Variants in PCNX1 observed in about 807,000 individuals in gnomAD.
PCNX1 encodes pecanex 1.
In PCNX1, 78 loss-of-function variants were observed where a neutral mutation model predicts 242.2. The observed-to-expected ratio is 0.32, with a 90% confidence interval of 0.27 to 0.39. PCNX1 has a LOEUF of 0.39. Ranked by LOEUF, PCNX1 falls within the 10% of genes least tolerant of loss-of-function variation. The pLI is 1.00. For missense variants in PCNX1, 2,581 were observed against 2,856.5 expected, an observed-to-expected ratio of 0.90 and a Z score of 2.20; for synonymous variants, 1,024 against 1,032.9, an observed-to-expected ratio of 0.99 and a Z score of 0.17.
At chr14:71,100,704 C>T (rs1348591162) in intron 30 of PCNX1, among the ~76,000 whole-genome samples, 1 of 152,150 alleles carries the variant, frequency 6.6e-6, no homozygotes, top group Non-Finnish European at 1.5e-5. Context: ...TTTACTTTTC[C>T]ACCTCCTCTC....
chr14:70,978,044 T>C lies in PCNX1; in HGVS notation c.1707T>C (p.Ala569=). ...SGRRRTGKKR[A]SSFDSSRHRD... Reference sequence around the variant, plus strand: ...GGAGACGCACAGGAAAAAAACGGGCTAGCAGTTTTGATTCAAGCCGGCATA... The same window carrying C: ...GGAGACGCACAGGAAAAAAACGGGCCAGCAGTTTTGATTCAAGCCGGCATA... Residue 569 remains alanine, a synonymous_variant, in exon 6 of 36, where the codon GCT becomes GCC. Transcript: ENST00000304743. The C allele has an allele frequency of 1.2e-6, 2 of 1,614,144 alleles. No homozygotes were observed. The highest frequency in any genetic ancestry group is 1.7e-6 in the Non-Finnish European group (2 of 1,180,030).
At chr14:71,086,015 T>C (rs752037117) in intron 28 of PCNX1, among the ~76,000 whole-genome samples, 3 of 152,240 alleles carry the variant, frequency 2.0e-5, no homozygotes, top group African/African-American at 4.8e-5. Context: ...TTCAGTCTTT[T>C]TTCTCTCTGT....
chr14:71,109,756 T>C (rs777693973), intron 35 of PCNX1, 39 bp from the exon 36 acceptor site: 1 of 1,608,374 alleles, frequency 6.2e-7, no homozygotes, highest in East Asian at 2.2e-5. Context: ...ATATTCCAGG[T>C]CTCCAGTGCT....
At chr14:70,922,758 C>CTTT (rs200836942) in intron 1 of PCNX1, among the ~76,000 whole-genome samples, 1 of 132,330 alleles carries the variant, frequency 7.6e-6, no homozygotes. Context: ...AGGTCATTAC[C>CTTT]TTTTTTTTTT....
intron 1 of PCNX1, among the ~76,000 whole-genome samples, chr14:70,926,014 G>C (rs751415920): frequency 6.6e-6 from 1 of 152,010 alleles, no homozygotes; most frequent in Non-Finnish European, 1.5e-5. Flanking sequence ...AGTGTATTCC[G>C]GGATCCAAAA....
rs761068464 is a variant in PCNX1, at chr14:70,978,068, T to C, written c.1731T>C (p.His577=). 1.2e-6 allele frequency: 2 copies of C among 1,614,120 alleles called. No homozygotes were observed. The highest frequency in any genetic ancestry group is 1.1e-5 in the South Asian group (1 of 91,074). Residue 577 remains histidine, a synonymous_variant, in exon 6 of 36, where the codon CAT becomes CAC. Transcript: ENST00000304743. ...KRASSFDSSR[H]RDYVCFRGVS... Reference sequence around the variant, plus strand: ...CTAGCAGTTTTGATTCAAGCCGGCATAGGGACTATGTTTGCTTTCGAGGTG... The same window carrying C: ...CTAGCAGTTTTGATTCAAGCCGGCACAGGGACTATGTTTGCTTTCGAGGTG...
intron 30 of PCNX1, among the ~76,000 whole-genome samples, chr14:71,096,204 G>T (rs548776037): frequency 6.6e-6 from 1 of 152,100 alleles, no homozygotes; most frequent in African/African-American, 2.4e-5. Context: ...TGTAATCCCA[G>T]CTACTTGGGA....
At chr14:71,058,532 T>G (rs919573304) in intron 26 of PCNX1, among the ~76,000 whole-genome samples, 6 of 151,914 alleles carry the variant, frequency 3.9e-5, no homozygotes, top group Non-Finnish European at 8.8e-5. Context: ...TTTCAGAGAG[T>G]TTTTCATCTA....
chr14:71,036,669 C>G (rs1283684433), intron 19 of PCNX1, among the ~76,000 whole-genome samples: 1 of 152,158 alleles, frequency 6.6e-6, no homozygotes, highest in Non-Finnish European at 1.5e-5. Context: ...ATGACATTGC[C>G]TAAACACACA....
intron 13 of PCNX1, among the ~76,000 whole-genome samples, chr14:71,024,492 T>A (rs1566714400): frequency 6.6e-6 from 1 of 152,126 alleles, no homozygotes; most frequent in Non-Finnish European, 1.5e-5. Flanking sequence ...TTGTCTGATG[T>A]TTTTTCTTTA....
chr14:71,102,129 T>C lies in PCNX1; in HGVS notation c.5729T>C (p.Leu1910Ser). 6.2e-7 allele frequency: 1 copy of C among 1,614,072 alleles called. No individual in the cohort carries two copies. The highest frequency in any genetic ancestry group is 8.5e-7 in the Non-Finnish European group (1 of 1,179,980). Reference protein sequence around the residue: ...RSAVLANSPSLLALRHVMDDG... With the variant: ...RSAVLANSPSSLALRHVMDDG... ...GCAGTACTTGCCAACTCTCCCTCCTTGCTTGCTCTGCGGCATGTCATGGAT... is the reference window on the plus strand; with the variant it reads ...GCAGTACTTGCCAACTCTCCCTCCTCGCTTGCTCTGCGGCATGTCATGGAT... The change falls in exon 31 of 36, where the codon TTG (leucine) becomes TCG (serine). Residue 1910 changes from leucine (L) to serine (S), a missense_variant. Leu to Ser is a moderately radical substitution (Grantham distance 145). This residue lies in a region of PCNX1 where 298 missense variants were observed against 480.1 expected (regional missense o/e 0.62). Coordinates refer to ENST00000304743, the MANE Select transcript of PCNX1 (RefSeq NM_014982.3).
At position 71,110,160 on chromosome 14, in the gene PCNX1, C is replaced by T. The variant is rs1464809836; in HGVS notation, c.*225C>T. ...TGAAATATTTTTTTAAGTTAGCTGC[C>T]GAGAAAACATTTTGCATGAAGGATA... On this transcript the variant is annotated 3_prime_UTR_variant, in exon 36 of 36. Coordinates refer to ENST00000304743, the MANE Select transcript of PCNX1 (RefSeq NM_014982.3). The T allele has an allele frequency of 4.6e-5, 27 of 584,418 alleles. No individual in the cohort carries two copies. In the Admixed American group the frequency reaches 4.7e-4, roughly 10 times the overall value. The allele number at this position is 584,418 out of a possible 1,614,324, so 36.2% of individuals were successfully genotyped here.
At chr14:71,022,128 C>T (rs888108332) in intron 12 of PCNX1, among the ~76,000 whole-genome samples, 1 of 152,172 alleles carries the variant, frequency 6.6e-6, no homozygotes, top group Admixed American at 6.5e-5. Flanking sequence ...ATCTTTGAGT[C>T]ACTGCTCCTT....
chr14:71,059,712 A>G (rs1595399565), intron 26 of PCNX1, among the ~76,000 whole-genome samples: 1 of 152,062 alleles, frequency 6.6e-6, no homozygotes, highest in Non-Finnish European at 1.5e-5. Context: ...TTAAAGACAC[A>G]TTTGATCATG....
At position 70,989,590 on chromosome 14, in the gene PCNX1, C is replaced by T. The variant is rs150528422; in HGVS notation, c.2444+891C>T. 9.3e-3 allele frequency among the ~76,000 whole-genome samples: 1,355 copies of T among 145,158 alleles called. 10 individuals are homozygous for T. Among genetic ancestry groups the T allele is most frequent in the Non-Finnish European group, 0.013 (853 of 67,272 alleles). ...TGTTGCCCAGGCAGGAGTGCAGTCG[C>T]GTGATCTTGGCTCACTGCAACCTCC... On this transcript the variant is annotated intron_variant, in intron 7 of 35. Coordinates refer to ENST00000304743, the MANE Select transcript of PCNX1 (RefSeq NM_014982.3).
intron 26 of PCNX1, among the ~76,000 whole-genome samples, chr14:71,064,689 T>TA (rs1361090369): frequency 6.6e-6 from 1 of 152,216 alleles, no homozygotes; most frequent in Non-Finnish European, 1.5e-5. Flanking sequence ...TACATAGGTA[T>TA]ACACATGCCA....
At chr14:70,988,493 G>T in intron 6 of PCNX1, 74 bp from the exon 7 acceptor site, 1 of 1,536,178 alleles carries the variant, frequency 6.5e-7, no homozygotes, top group Non-Finnish European at 8.9e-7. Flanking sequence ...GGGAAGTCAA[G>T]GGAAAGCCAG....
At position 71,089,185 on chromosome 14, in the gene PCNX1, T is replaced by C; in HGVS notation, c.5439-7T>C. On this transcript the variant is annotated splice_polypyrimidine_tract_variant and splice_region_variant and intron_variant, in intron 29 of 35. Coordinates refer to ENST00000304743, the MANE Select transcript of PCNX1 (RefSeq NM_014982.3). ...AACATGTGAACTTTTATCTCCAATC[T>C]TAACAGTAATTTAGAGTCATTCCTC... The C allele has an allele frequency of 6.3e-7, 1 of 1,596,156 alleles. No homozygotes were observed. The highest frequency in any genetic ancestry group is 2.3e-5 in the East Asian group (1 of 44,346).
intron 23 of PCNX1, 120 bp downstream of exon 23, chr14:71,050,880 T>C (rs1384153895): frequency 1.0e-6 from 1 of 988,604 alleles, no homozygotes; most frequent in East Asian, 2.7e-5. Context: ...CAAAAATTCA[T>C]AATCTTGGCC....
Sources: allele counts gnomAD v4.1 joint callset (sites outside exome capture counted in the v4.1 genomes callset), GRCh38; gene constraint gnomAD v4.1.1; regional missense constraint gnomAD v4.1.1; transcripts MANE v1.5; gene names NCBI Gene and HGNC (gene_info 2026-07-23, HGNC 2026-07-21).